SLCO3A1: variants seen among roughly 807,000 people sequenced by gnomAD.
SLCO3A1 encodes the protein PGE1 transporter.
Under a neutral mutation model 63.1 loss-of-function variants are expected in SLCO3A1, and 27 were observed. The ratio of observed to expected loss-of-function variants is 0.43; its 90% CI spans 0.32 to 0.59. The LOEUF (loss-of-function observed/expected upper bound fraction) is 0.59. SLCO3A1 is among the 20% of genes least tolerant of loss of function. The pLI is 0.09. For synonymous variants in SLCO3A1, 473 were observed against 409.9 expected (o/e 1.15, Z -1.86); for missense variants, 773 against 945.8 (o/e 0.82, Z 2.40).
At chr15:91,866,540 G>T (rs919471497) in intron 1 of SLCO3A1, among the ~76,000 whole-genome samples, 1 of 149,366 alleles carries the variant, frequency 6.7e-6, no homozygotes, top group Non-Finnish European at 1.5e-5. Context: ...GGAGTGATAT[G>T]GTTCCCAGAA....
intron 5 of SLCO3A1, among the ~76,000 whole-genome samples, chr15:92,120,899 A>G (rs1342248284): frequency 1.3e-5 from 2 of 152,204 alleles, no homozygotes; most frequent in African/African-American, 2.4e-5. Context: ...ATGGGTGTGA[A>G]ATGGGAAATT....
chr15:92,165,322 A>G lies in SLCO3A1; in HGVS notation c.*2187A>G, dbSNP rs990097855. On this transcript the variant is annotated 3_prime_UTR_variant, in exon 10 of 10. Transcript: ENST00000318445. ...GGGGAGATGGTTCTCCAACCACTTC[A>G]TAAAATATGTATGTTCTGTTGTTCC... 2 of 985,176 alleles carry G rather than the reference A, an allele frequency of 2.0e-6. No homozygotes were observed. Among genetic ancestry groups the G allele is most frequent in the African/African-American group, 1.7e-5 (1 of 57,336 alleles). 61.0% of individuals were successfully genotyped at this position (985,176 alleles called of 1,614,324 possible).
At chr15:92,070,685 A>T (rs1173748185) in intron 2 of SLCO3A1, among the ~76,000 whole-genome samples, 1 of 150,100 alleles carries the variant, frequency 6.7e-6, no homozygotes, top group African/African-American at 2.5e-5. Context: ...GGAGGAAATG[A>T]TATTCGGGAT....
chr15:91,989,707 G>A (rs550782628), intron 2 of SLCO3A1, among the ~76,000 whole-genome samples: 1 of 152,286 alleles, frequency 6.6e-6, no homozygotes, highest in South Asian at 2.1e-4. Flanking sequence ...AAGAACCAAA[G>A]TATTATTTAG....
In SLCO3A1 at chr15:91,968,359, T is replaced by C. The variant is rs1344359997; in HGVS notation, c.646+51901T>C. Among the ~76,000 whole-genome samples the C allele has an allele frequency of 6.6e-6, 1 of 152,080 alleles. No homozygotes were observed. Among genetic ancestry groups the C allele is most frequent in the Non-Finnish European group, 1.5e-5 (1 of 68,024 alleles). On this transcript the variant is annotated intron_variant, in intron 2 of 9. Coordinates refer to ENST00000318445, the MANE Select transcript of SLCO3A1 (RefSeq NM_013272.4). The surrounding 1 kb of genome is among the most constrained non-coding windows in gnomAD (Gnocchi z 4.2). ...AGTCTCCTGCGAGCTTTCTCTCAAG[T>C]AGATTCTGCTGAGTTCTGCTTGGAC... is the stretch of plus-strand genomic sequence containing the variant.
chr15:92,003,122 G>A (rs1430495259), intron 2 of SLCO3A1, among the ~76,000 whole-genome samples: 2 of 152,136 alleles, frequency 1.3e-5, no homozygotes, highest in Admixed American at 6.5e-5. Context: ...ATCTTTACGT[G>A]CCCAAGTCCC....
In SLCO3A1 at chr15:91,862,505, C is replaced by A. The variant is rs1897072169; in HGVS notation, c.180+8417C>A. Among the ~76,000 whole-genome samples, 2 of 152,144 alleles carry A rather than the reference C, an allele frequency of 1.3e-5. No individual in the cohort carries two copies. Among genetic ancestry groups the A allele is most frequent in the Non-Finnish European group, 1.5e-5 (1 of 68,022 alleles). On this transcript the variant is annotated intron_variant, in intron 1 of 9. Transcript: ENST00000318445. The surrounding 1 kb of genome is among the most constrained non-coding windows in gnomAD (Gnocchi z 4.0). ...ATCCCATAGGCAGTGATGGGACTAC[C>A]ACATTTGTTCTGCCAGGTTGTCCTT...
At chr15:92,141,826 G>C (rs1293518920) in intron 7 of SLCO3A1, among the ~76,000 whole-genome samples, 1 of 152,068 alleles carries the variant, frequency 6.6e-6, no homozygotes, top group Non-Finnish European at 1.5e-5. Context: ...ACAAATCTGG[G>C]CTCTTATGTC....
chr15:92,116,012 G>A (rs2047790703), intron 4 of SLCO3A1, among the ~76,000 whole-genome samples: 1 of 152,104 alleles, frequency 6.6e-6, no homozygotes, highest in South Asian at 2.1e-4. Context: ...TCAGAAGCCA[G>A]ACCAGAGTAG....
chr15:91,864,244 A>G (rs948972278), intron 1 of SLCO3A1, among the ~76,000 whole-genome samples: 1 of 152,194 alleles, frequency 6.6e-6, no homozygotes, highest in Non-Finnish European at 1.5e-5. Context: ...GAATCTCTGC[A>G]TTCATTGCTT....
intron 2 of SLCO3A1, among the ~76,000 whole-genome samples, chr15:91,984,175 C>T (rs1179759152): frequency 1.3e-5 from 2 of 152,202 alleles, no homozygotes; most frequent in African/African-American, 4.8e-5. Context: ...CCATGAGTTG[C>T]AGGGTCCACC....
chr15:91,916,742 C>G lies in SLCO3A1; in HGVS notation c.646+284C>G, dbSNP rs1200051008. ...TGATCGGGAGGAGTTGTATGTTTAT[C>G]TCTTCTTTTTGAGTGCGTATGTGGA... On this transcript the variant is annotated intron_variant, in intron 2 of 9. Coordinates refer to ENST00000318445, the MANE Select transcript of SLCO3A1 (RefSeq NM_013272.4). This position sits in a 1 kb window ranked among gnomAD's most constrained non-coding sequence, Gnocchi z 6.2. 6.6e-6 allele frequency among the ~76,000 whole-genome samples: 1 copy of G among 152,202 alleles called. No homozygotes were observed. The highest frequency in any genetic ancestry group is 1.5e-5 in the Non-Finnish European group (1 of 68,026).
Position 92,137,630 on chromosome 15 carries a change from C to T in SLCO3A1, c.1512+9141C>T, listed in dbSNP as rs1394973625. 3.7e-5 allele frequency among the ~76,000 whole-genome samples: 4 copies of T among 109,552 alleles called. 2 individuals are homozygous for T. The highest frequency in any genetic ancestry group is 7.0e-5 in the Non-Finnish European group (4 of 56,906). 71.9% of individuals were successfully genotyped at this position (109,552 alleles called of 152,430 possible). On this transcript the variant is annotated intron_variant, in intron 7 of 9. Coordinates refer to ENST00000318445, the MANE Select transcript of SLCO3A1 (RefSeq NM_013272.4). ...TCCTATTTCTCCACATCCTCTCCAG[C>T]ACCTGTTGTGTCCTCACTTTTTAAT... is the stretch of plus-strand genomic sequence containing the variant.
intron 2 of SLCO3A1, among the ~76,000 whole-genome samples, chr15:92,070,227 A>C (rs1006869657): frequency 1.3e-5 from 2 of 152,258 alleles, no homozygotes; most frequent in Non-Finnish European, 2.9e-5. Flanking sequence ...TGGAGGGTAA[A>C]GGAGTTCAGG....
intron 2 of SLCO3A1, among the ~76,000 whole-genome samples, chr15:92,058,253 C>CT (rs764304553): frequency 6.6e-6 from 1 of 152,102 alleles, no homozygotes; most frequent in Non-Finnish European, 1.5e-5. Context: ...AAACTGAGGT[C>CT]AAGTCCTGAG....
At position 91,854,002 on chromosome 15, in the gene SLCO3A1, A is replaced by G. The variant is rs768571496; in HGVS notation, c.94A>G (p.Lys32Glu). The change falls in exon 1 of 10, where the codon AAG becomes GAG. Residue 32 changes from lysine (K) to glutamate (E), a missense_variant. Around this residue, in one of 3 missense-constraint regions of SLCO3A1, gnomAD observed 69 missense variants for 64.6 expected, o/e 1.07. Coordinates refer to ENST00000318445, the MANE Select transcript of SLCO3A1 (RefSeq NM_013272.4). The surrounding 1 kb of genome is among the most constrained non-coding windows in gnomAD (Gnocchi z 6.4). ...GCAGAGGAACAAGAAAAAGAAAAAG[A>G]AGGTGTCCTGCTTTTCCAACATCAA... Reference protein sequence around the residue: ...EAQRNKKKKKKVSCFSNIKIF... With the variant: ...EAQRNKKKKKEVSCFSNIKIF... The G allele has an allele frequency of 9.7e-6, 15 of 1,544,038 alleles. No individual in the cohort carries two copies. The highest frequency in any genetic ancestry group is 1.3e-5 in the Non-Finnish European group (15 of 1,144,626).
intron 2 of SLCO3A1, among the ~76,000 whole-genome samples, chr15:92,021,720 C>G (rs1258892473): frequency 1.3e-5 from 2 of 152,182 alleles, no homozygotes; most frequent in African/African-American, 4.8e-5. Flanking sequence ...GCCCTACCCT[C>G]AAGAAGCTTC....
At position 91,958,937 on chromosome 15, in the gene SLCO3A1, A is replaced by C. The variant is rs534784772; in HGVS notation, c.646+42479A>C. Among the ~76,000 whole-genome samples, 258 of 152,300 alleles carry C rather than the reference A, an allele frequency of 1.7e-3. 1 individual carries two copies. The highest frequency in any genetic ancestry group is 5.9e-3 in the African/African-American group (246 of 41,574). ...CTGCTTGGTATCTACCCAAAGGAAA[A>C]GAAGTCATTATATGAAAAAGACACA... On this transcript the variant is annotated intron_variant, in intron 2 of 9. Transcript: ENST00000318445.
intron 2 of SLCO3A1, among the ~76,000 whole-genome samples, chr15:92,055,693 T>G (rs937509404): frequency 1.3e-5 from 2 of 152,222 alleles, no homozygotes; most frequent in Admixed American, 1.3e-4. Flanking sequence ...ATGCAGCCTC[T>G]TGAGCTCTCT....
Sources: gnomAD v4.1 joint callset for allele counts (sites outside exome capture counted in the v4.1 genomes callset) on GRCh38, gnomAD v4.1.1 for gene constraint, gnomAD v4.1.1 regional missense constraint, Gnocchi (gnomAD v3.1) non-coding constraint, MANE v1.5 for transcripts, NCBI Gene and HGNC (gene_info 2026-07-23, HGNC 2026-07-21) for gene names.